The following TSPAN12 variants were observed in gnomAD, a reference collection of about 807,000 sequenced individuals.
The protein encoded by TSPAN12 is tetraspanin-12.
Under a neutral mutation model 39.2 loss-of-function variants are expected in TSPAN12, and 19 were observed. The observed-to-expected ratio is 0.49, with a 90% confidence interval of 0.34 to 0.71. The LOEUF (loss-of-function observed/expected upper bound fraction) is 0.71. Ranked by LOEUF, TSPAN12 falls within the 30% of genes least tolerant of loss-of-function variation. The pLI is 0.01. For missense variants in TSPAN12, 314 were observed against 359.9 expected (o/e 0.87, Z 1.03); for synonymous variants, 119 against 124.8 (o/e 0.95, Z 0.31).
chr7:120,815,720 T>C lies in TSPAN12; in HGVS notation c.360+9A>G, dbSNP rs116938497. 15,618 of 1,610,184 alleles carry C rather than the reference T, an allele frequency of 9.7e-3. 109 individuals are homozygous for C. The highest frequency in any genetic ancestry group is 0.015 in the Middle Eastern group (93 of 6,048). ...TTTTAGATTGTGATTATATCTATTTTGAACTCACCATAAGTTCCTGTTCAT... is the reference window on the plus strand; with the variant it reads ...TTTTAGATTGTGATTATATCTATTTCGAACTCACCATAAGTTCCTGTTCAT... On this transcript the variant is annotated intron_variant, in intron 5 of 7. Transcript: ENST00000222747.
At chr7:120,788,936 G>A (rs760732092) in intron 7 of TSPAN12, 39 bp from the exon 8 acceptor site, 1 of 1,606,524 alleles carries the variant, frequency 6.2e-7, no homozygotes, top group African/African-American at 1.3e-5. Flanking sequence ...CTTTAGATAT[G>A]TTACAGAAGG....
intron 4 of TSPAN12, among the ~76,000 whole-genome samples, chr7:120,823,031 G>T (rs189158721): frequency 1.3e-5 from 2 of 152,244 alleles, no homozygotes; most frequent in African/African-American, 4.8e-5. Context: ...ATGCATGAGG[G>T]TTTATAAAGC....
chr7:120,815,692 T>C (rs1476905171), intron 5 of TSPAN12, 37 bp downstream of exon 5: 11 of 1,563,986 alleles, frequency 7.0e-6, no homozygotes, highest in African/African-American at 1.4e-5. Context: ...GGCTGAACTG[T>C]TGTTTTAGAT....
intron 7 of TSPAN12, 21 bp from the exon 8 acceptor site, chr7:120,788,918 C>T (rs754812241): frequency 1.9e-6 from 3 of 1,612,766 alleles, no homozygotes; most frequent in Non-Finnish European, 8.5e-7. Context: ...AATACATGGT[C>T]AACATTACTT....
chr7:120,809,404 C>T (rs2116359063), intron 6 of TSPAN12, among the ~76,000 whole-genome samples: 1 of 152,186 alleles, frequency 6.6e-6, no homozygotes, highest in African/African-American at 2.4e-5. Flanking sequence ...CACAAATATA[C>T]AATAAATAAA....
chr7:120,790,531 T>C (rs912975269), intron 7 of TSPAN12, among the ~76,000 whole-genome samples: 5 of 152,188 alleles, frequency 3.3e-5, no homozygotes, highest in East Asian at 3.8e-4. Context: ...GGAAAATCTA[T>C]GATTAGCAGA....
At chr7:120,849,881 T>C (rs1430417268) in intron 2 of TSPAN12, among the ~76,000 whole-genome samples, 1 of 152,214 alleles carries the variant, frequency 6.6e-6, no homozygotes, top group Admixed American at 6.5e-5. Context: ...CCACCATACT[T>C]AGCCTTTAAA....
intron 4 of TSPAN12, among the ~76,000 whole-genome samples, chr7:120,817,436 T>C (rs1489330142): frequency 2.0e-5 from 3 of 151,914 alleles, no homozygotes; most frequent in Non-Finnish European, 2.9e-5. Flanking sequence ...GAGGGTGGAA[T>C]TGAAAACCAT....
intron 5 of TSPAN12, among the ~76,000 whole-genome samples, chr7:120,813,152 T>A (rs969614048): frequency 1.3e-5 from 2 of 152,230 alleles, no homozygotes; most frequent in Non-Finnish European, 2.9e-5. Context: ...GCCCATTCTA[T>A]GTAAAGGCTG....
intron 7 of TSPAN12, among the ~76,000 whole-genome samples, chr7:120,792,730 T>G (rs914800521): frequency 7.0e-4 from 106 of 152,176 alleles, no homozygotes; most frequent in African/African-American, 2.3e-3. Context: ...CAGAATTAGT[T>G]TAGAAAATGC....
intron 7 of TSPAN12, among the ~76,000 whole-genome samples, chr7:120,791,341 G>T (rs752235469): frequency 1.3e-5 from 2 of 150,970 alleles, no homozygotes; most frequent in African/African-American, 2.4e-5. Flanking sequence ...AAAAAAAAAA[G>T]ATTTAGAGGT....
chr7:120,855,357 CT>C (rs1794851285), intron 2 of TSPAN12, among the ~76,000 whole-genome samples: 1 of 152,144 alleles, frequency 6.6e-6, no homozygotes, highest in Admixed American at 6.5e-5. Context: ...TTTAAAGCTC[CT>C]TTTAGAAGTG....
chr7:120,831,596 T>G (rs1330054645), intron 4 of TSPAN12, among the ~76,000 whole-genome samples: 2 of 144,444 alleles, frequency 1.4e-5, no homozygotes, highest in African/African-American at 5.1e-5. Flanking sequence ...TAAAAAGTGT[T>G]GATCTCAGAG....
intron 4 of TSPAN12, among the ~76,000 whole-genome samples, chr7:120,817,263 T>C (rs1794102517): frequency 6.6e-6 from 1 of 151,778 alleles, no homozygotes. Context: ...GTGGTATGTG[T>C]TTGTAATCCT....
intron 2 of TSPAN12, among the ~76,000 whole-genome samples, chr7:120,840,383 G>A (rs1562951471): frequency 6.6e-6 from 1 of 152,094 alleles, no homozygotes; most frequent in Non-Finnish European, 1.5e-5. Flanking sequence ...AGATAAGGAG[G>A]CCACAGAACA....
Position 120,857,513 on chromosome 7 carries a change from G to A in TSPAN12, c.-71+307C>T, listed in dbSNP as rs545812380. Among the ~76,000 whole-genome samples the A allele has an allele frequency of 7.5e-3, 1,133 of 150,926 alleles. 17 individuals carry two copies. The highest frequency in any genetic ancestry group is 0.026 in the African/African-American group (1,064 of 41,278). On this transcript the variant is annotated intron_variant, in intron 1 of 7. Coordinates refer to ENST00000222747, the MANE Select transcript of TSPAN12 (RefSeq NM_012338.4). Reference sequence around the variant, plus strand: ...TAGCCTGGGACAGTGGGCGGGGGGCGGGGGGCGCCGGGGAATTAGGGCCGA... The same window carrying A: ...TAGCCTGGGACAGTGGGCGGGGGGCAGGGGGCGCCGGGGAATTAGGGCCGA...
chr7:120,850,049 G>A (rs1212350750), intron 2 of TSPAN12, among the ~76,000 whole-genome samples: 1 of 152,226 alleles, frequency 6.6e-6, no homozygotes, highest in Non-Finnish European at 1.5e-5. Context: ...CAGGGGAAGG[G>A]CAGAAGGAAA....
chr7:120,790,362 G>T lies in TSPAN12; in HGVS notation c.613-1465C>A, dbSNP rs115598567. Among the ~76,000 whole-genome samples, 337 of 152,280 alleles carry T rather than the reference G, an allele frequency of 2.2e-3. 2 individuals carry two copies. Among genetic ancestry groups the T allele is most frequent in the African/African-American group, 7.6e-3 (314 of 41,556 alleles). ...TTGTCTAAAAACATAGATGATAATA[G>T]TGCTTACCTGTCTGAGATGTTGGGA... On this transcript the variant is annotated intron_variant, in intron 7 of 7. Coordinates refer to ENST00000222747, the MANE Select transcript of TSPAN12 (RefSeq NM_012338.4).
At chr7:120,833,855 A>T (rs1794431382) in intron 4 of TSPAN12, among the ~76,000 whole-genome samples, 1 of 152,200 alleles carries the variant, frequency 6.6e-6, no homozygotes, top group East Asian at 1.9e-4. Flanking sequence ...GCAATAACAA[A>T]TGAATTTCAT....
Sources: allele counts gnomAD v4.1 joint callset (sites outside exome capture counted in the v4.1 genomes callset), GRCh38; gene constraint gnomAD v4.1.1; transcripts MANE v1.5; gene names NCBI Gene and HGNC (gene_info 2026-07-23, HGNC 2026-07-21).